Variants in SOX6 observed in about 807,000 individuals in gnomAD.
SOX6 encodes SRY-box transcription factor 6.
SOX6 carries 11 observed loss-of-function variants against 97.8 expected under a neutral mutation model. The ratio of observed to expected loss-of-function variants is 0.11; its 90% CI spans 0.07 to 0.19. The LOEUF is 0.19. SOX6 is among the 10% of genes least tolerant of loss of function. The probability of loss-of-function intolerance (pLI) is 1.00; values close to 1 mark genes in which losing one functional copy is unlikely to be tolerated. For synonymous variants in SOX6, 360 were observed against 371.4 expected, an observed-to-expected ratio of 0.97 and a Z score of 0.35; for missense variants, 810 against 1,039.5, an observed-to-expected ratio of 0.78 and a Z score of 3.04.
intron 6 of SOX6, among the ~76,000 whole-genome samples, chr11:16,157,150 T>C (rs1369681271): frequency 6.6e-6 from 1 of 152,052 alleles, no homozygotes; most frequent in Non-Finnish European, 1.5e-5. Flanking sequence ...ATGAATTCTA[T>C]AGATTTATTT....
chr11:16,669,230 A>C (rs1464103837), intron 3 of SOX6, among the ~76,000 whole-genome samples: 2 of 152,260 alleles, frequency 1.3e-5, no homozygotes, highest in East Asian at 3.8e-4. Flanking sequence ...GAAATCAATA[A>C]CAAGAGGAAT....
intron 6 of SOX6, among the ~76,000 whole-genome samples, chr11:16,120,467 G>T (rs370705703): frequency 6.6e-6 from 1 of 151,550 alleles, no homozygotes; most frequent in African/African-American, 2.4e-5. Flanking sequence ...ACGAACTCAA[G>T]ATGTTATAGT....
chr11:16,263,070 A>T (rs11023894), intron 3 of SOX6, among the ~76,000 whole-genome samples: 64,431 of 151,682 alleles, frequency 0.42, 14,636 homozygotes, highest in Non-Finnish European at 0.49. Context: ...AAAATCCAAA[A>T]CTTAAACATC....
At chr11:16,271,903 C>CT (rs1397176516) in intron 3 of SOX6, among the ~76,000 whole-genome samples, 4 of 150,358 alleles carry the variant, frequency 2.7e-5, no homozygotes, top group Admixed American at 6.6e-5. Context: ...ATTGGTGAGT[C>CT]TTTTTTATCA....
intron 3 of SOX6, among the ~76,000 whole-genome samples, chr11:16,238,719 A>G (rs1460287258): frequency 1.3e-5 from 2 of 152,122 alleles, no homozygotes; most frequent in Non-Finnish European, 2.9e-5. Flanking sequence ...GCACTTTACA[A>G]CAATCTACCT....
chr11:16,527,536 C>T (rs1861184816), intron 4 of SOX6, among the ~76,000 whole-genome samples: 2 of 152,108 alleles, frequency 1.3e-5, no homozygotes, highest in African/African-American at 4.8e-5. Context: ...TCTTTTCCCA[C>T]CCTTTGCCAT....
At chr11:16,034,624 CA>C (rs897124361) in intron 12 of SOX6, among the ~76,000 whole-genome samples, 1 of 152,140 alleles carries the variant, frequency 6.6e-6, no homozygotes, top group Non-Finnish European at 1.5e-5. Context: ...CTAGGCCAAC[CA>C]GCTGAAAATG....
intron 3 of SOX6, among the ~76,000 whole-genome samples, chr11:16,267,571 G>C (rs1254984880): frequency 6.6e-6 from 1 of 151,562 alleles, no homozygotes; most frequent in South Asian, 2.1e-4. Flanking sequence ...GTGGAGAAAA[G>C]GGAATTTTTG....
At chr11:16,204,507 C>G (rs1049944735) in intron 4 of SOX6, among the ~76,000 whole-genome samples, 11 of 151,594 alleles carry the variant, frequency 7.3e-5, no homozygotes, top group Non-Finnish European at 1.3e-4. Context: ...ACAATTGTTA[C>G]AAAGGTCACT....
chr11:16,552,700 A>C (rs1306886267), intron 4 of SOX6, among the ~76,000 whole-genome samples: 1 of 152,166 alleles, frequency 6.6e-6, no homozygotes, highest in African/African-American at 2.4e-5. Context: ...AGCATAATAG[A>C]GGTTTGGGAT....
At chr11:16,068,733 T>C (rs1220969495) in intron 9 of SOX6, among the ~76,000 whole-genome samples, 1 of 152,212 alleles carries the variant, frequency 6.6e-6, no homozygotes, top group African/African-American at 2.4e-5. Context: ...GTCACAATCC[T>C]ACTCATCTTT....
chr11:16,089,174 A>T (rs920669009), intron 9 of SOX6, among the ~76,000 whole-genome samples: 6 of 152,156 alleles, frequency 3.9e-5, no homozygotes, highest in African/African-American at 1.4e-4. Flanking sequence ...GCCTTAGGAA[A>T]TTTATTTGGC....
chr11:16,068,291 G>T (rs1428475310), intron 9 of SOX6, among the ~76,000 whole-genome samples: 1 of 152,150 alleles, frequency 6.6e-6, no homozygotes, highest in Non-Finnish European at 1.5e-5. Flanking sequence ...GGCAAGTTAA[G>T]CTGTGAGAAA....
In SOX6 at chr11:16,581,304, T is replaced by C. The variant is rs184197509; in HGVS notation, n.609+30777A>G. Among the ~76,000 whole-genome samples the C allele has an allele frequency of 4.0e-4, 61 of 152,204 alleles. No individual in the cohort carries two copies. In the East Asian group the frequency reaches 0.011, roughly 28 times the overall value. On this transcript the variant is annotated intron_variant and non_coding_transcript_variant, in intron 4 of 5. Coordinates refer to the SOX6 transcript ENST00000524520. ...AGAGATCATGTCCTCTGCAGGGACA[T>C]GGATGAAGCAGGAAGCCATCATCCT...
chr11:16,636,191 G>A (rs948355277), intron 3 of SOX6, among the ~76,000 whole-genome samples: 40 of 152,210 alleles, frequency 2.6e-4, no homozygotes, highest in African/African-American at 8.7e-4. Flanking sequence ...GCAGCTGGGA[G>A]GGGGGCTGTG....
chr11:16,736,738 A>G (rs990121456), intron 1 of SOX6, among the ~76,000 whole-genome samples: 4 of 152,208 alleles, frequency 2.6e-5, no homozygotes, highest in African/African-American at 9.7e-5. Flanking sequence ...ATGTAATTTC[A>G]TTGTAACTAA....
At chr11:16,695,936 A>C (rs1848050552) in intron 3 of SOX6, among the ~76,000 whole-genome samples, 2 of 152,118 alleles carry the variant, frequency 1.3e-5, no homozygotes, top group South Asian at 4.1e-4. Flanking sequence ...GAACCTGGGA[A>C]GCAGACGTTG....
At position 16,043,739 on chromosome 11, in the gene SOX6, C is replaced by T. The variant is rs185693689; in HGVS notation, c.1623+2775G>A. Among the ~76,000 whole-genome samples, 5 of 152,326 alleles carry T rather than the reference C, an allele frequency of 3.3e-5. No individual in the cohort carries two copies. The East Asian group carries it at 9.7e-4, about 29-fold the overall frequency. ...ACTGATGTGCAGCACAGATCCCCCC[C>T]TGCTTCAGGACTGGAAGATTTATTC... is the stretch of plus-strand genomic sequence containing the variant. On this transcript the variant is annotated intron_variant, in intron 12 of 15. Transcript: ENST00000683767.
chr11:16,393,850 A>G (rs1858262599), intron 1 of SOX6, among the ~76,000 whole-genome samples: 1 of 152,058 alleles, frequency 6.6e-6, no homozygotes, highest in South Asian at 2.1e-4. Flanking sequence ...ACAACTTACG[A>G]AGGACATCCA....
Sources: allele counts gnomAD v4.1 joint callset (sites outside exome capture counted in the v4.1 genomes callset), GRCh38; gene constraint gnomAD v4.1.1; transcripts MANE v1.5; gene names NCBI Gene and HGNC (gene_info 2026-07-23, HGNC 2026-07-21).